Variants in HSD17B4 observed in about 807,000 individuals in gnomAD.
HSD17B4 encodes the protein peroxisomal multifunctional enzyme type 2.
A neutral mutation model predicts 101.0 loss-of-function variants in HSD17B4; 70 were observed. That is an observed-to-expected ratio of 0.69 (90% CI 0.57 to 0.85). The LOEUF (loss-of-function observed/expected upper bound fraction) is 0.85, where lower values mean the gene tolerates loss of function less well. Ranked by LOEUF, HSD17B4 falls within the 40% of genes least tolerant of loss-of-function variation. The pLI is 0.00. For synonymous variants in HSD17B4, 347 were observed against 297.1 expected, an observed-to-expected ratio of 1.17 and a Z score of -1.73; for missense variants, 984 against 892.4, an observed-to-expected ratio of 1.10 and a Z score of -1.31.
chr5:119,477,571 G>T, intron 7 of HSD17B4, 70 bp downstream of exon 7: 3 of 1,001,832 alleles, frequency 3.0e-6, no homozygotes, highest in Non-Finnish European at 4.8e-6. Flanking sequence ...TACAGGGAAA[G>T]ATTATGTGAA....
chr5:119,480,688 C>G (rs1027966532), intron 8 of HSD17B4, among the ~76,000 whole-genome samples: 2 of 152,086 alleles, frequency 1.3e-5, no homozygotes, highest in Non-Finnish European at 1.5e-5. Context: ...ACCGGTCTGA[C>G]CAAAATTTAT....
rs1057517323 is a variant in HSD17B4 at position 119,525,970 on chromosome 5, C to CGTGT, written c.1630_1633dup (p.Leu545CysfsTer8). The stretch of plus-strand genomic sequence containing the variant: ...ATGTACATTTGGATTTTCTGCCAGG[C>CGTGT]GTGTGTTACAGCAGTTTGCAGATAA... On this transcript the variant is annotated frameshift_variant, in exon 19 of 24. Transcript: ENST00000510025. LOFTEE classifies it high-confidence loss of function. 15 of 1,611,524 alleles carry CGTGT rather than the reference C, an allele frequency of 9.3e-6. No homozygotes were observed. The highest frequency in any genetic ancestry group is 1.3e-5 in the African/African-American group (1 of 74,790).
chr5:119,525,662 A>G, intron 18 of HSD17B4: 2 of 541,670 alleles, frequency 3.7e-6, no homozygotes, highest in Non-Finnish European at 3.3e-6. Flanking sequence ...TACAACCAAA[A>G]CTAAACAAAA....
chr5:119,541,259 A>G (rs1754964144), intron 23 of HSD17B4, among the ~76,000 whole-genome samples: 1 of 152,164 alleles, frequency 6.6e-6, no homozygotes, highest in Non-Finnish European at 1.5e-5. Context: ...TACTAAGCTA[A>G]GCACTCTACA....
At chr5:119,482,369 T>C (rs911027943) in intron 8 of HSD17B4, among the ~76,000 whole-genome samples, 2 of 152,130 alleles carry the variant, frequency 1.3e-5, no homozygotes, top group Non-Finnish European at 2.9e-5. Flanking sequence ...TTATCCACTT[T>C]TTCCATTAGA....
At chr5:119,520,395 G>A (rs1454119841) in intron 17 of HSD17B4, among the ~76,000 whole-genome samples, 1 of 151,758 alleles carries the variant, frequency 6.6e-6, no homozygotes, top group Non-Finnish European at 1.5e-5. Flanking sequence ...TTTTTTTATA[G>A]CCCTCAGTGA....
chr5:119,477,613 T>A, intron 7 of HSD17B4, 112 bp downstream of exon 7: 1 of 809,634 alleles, frequency 1.2e-6, no homozygotes, highest in South Asian at 1.4e-5. Flanking sequence ...CATTGAGGAA[T>A]ATGTACAACC....
Position 119,461,358 on chromosome 5 carries a change from TC to T in HSD17B4, c.112+4991del, listed in dbSNP as rs200883467. On this transcript the variant is annotated intron_variant, in intron 2 of 23. Coordinates refer to ENST00000510025, the MANE Select transcript of HSD17B4 (RefSeq NM_000414.4). The stretch of plus-strand genomic sequence containing the variant: ...AAATAAAATATTACTTTACTAGTGC[TC>T]AAAAAAATGTAGACTAAAATAATGA... 1.8e-3 allele frequency among the ~76,000 whole-genome samples: 270 copies of T among 152,254 alleles called. 7 individuals carry two copies. The East Asian group carries it at 0.05, about 28-fold the overall frequency.
intron 8 of HSD17B4, among the ~76,000 whole-genome samples, chr5:119,486,558 A>G (rs1749627514): frequency 6.6e-6 from 1 of 152,158 alleles, no homozygotes; most frequent in South Asian, 2.1e-4. Flanking sequence ...TGTCATTTAA[A>G]AAAATTTGGG....
At chr5:119,470,990 G>C (rs903134106) in intron 2 of HSD17B4, among the ~76,000 whole-genome samples, 9 of 152,116 alleles carry the variant, frequency 5.9e-5, no homozygotes, top group African/African-American at 2.2e-4. Flanking sequence ...TATTTATCCA[G>C]CTTTCAATGC....
At position 119,526,890 on chromosome 5, in the gene HSD17B4, A is replaced by T. The variant is rs184159569; in HGVS notation, c.1681-243A>T. ...TGGTTTTATTTCTTGATTTGTCAAG[A>T]TAAAAAACACTATTTTTTGATTCCA... On this transcript the variant is annotated intron_variant, in intron 19 of 23. Coordinates refer to ENST00000510025, the MANE Select transcript of HSD17B4 (RefSeq NM_000414.4). Among the ~76,000 whole-genome samples the T allele has an allele frequency of 4.5e-4, 68 of 152,126 alleles. 1 individual carries two copies. Among genetic ancestry groups the T allele is most frequent in the African/African-American group, 1.6e-3 (66 of 41,566 alleles).
chr5:119,500,160 A>G (rs1751026545), intron 13 of HSD17B4, among the ~76,000 whole-genome samples: 1 of 152,100 alleles, frequency 6.6e-6, no homozygotes, highest in Non-Finnish European at 1.5e-5. Context: ...TTTGGAGACT[A>G]GGTTATAAGG....
Position 119,496,623 on chromosome 5 carries a change from A to G in HSD17B4, c.949A>G (p.Thr317Ala). The change falls in exon 12 of 24, where the codon ACG (threonine) becomes GCG (alanine). Residue 317 changes from threonine to alanine, a missense_variant. Thr to Ala is a moderately conservative substitution (Grantham distance 58). Transcript: ENST00000510025. Reference sequence around the variant, plus strand: ...TTCAGCAAATCATACTAGTCGTGCAACGTCTACAGCAACATCAGGATTTGT... The same window carrying G: ...TTCAGCAAATCATACTAGTCGTGCAGCGTCTACAGCAACATCAGGATTTGT... Reference protein sequence around the residue: ...GVSANHTSRATSTATSGFAGA... With the variant: ...GVSANHTSRAASTATSGFAGA... The G allele has an allele frequency of 3.1e-6, 5 of 1,599,778 alleles. No individual in the cohort carries two copies. The East Asian group carries it at 6.7e-5, about 21-fold the overall frequency.
rs746540197 is a variant in HSD17B4, at chr5:119,452,600, G to T, written c.25G>T (p.Gly9Trp). MGSPLRFD[G>W]RVVLVTGAGA... is the part of the protein sequence containing the mutation. ...CATGGGCTCACCGCTGAGGTTCGAC[G>T]GGCGGGTGGTACTGGTCACCGGCGC... The change falls in exon 1 of 24, where the codon GGG becomes TGG. Residue 9 changes from glycine (G) to tryptophan (W), a missense_variant. Coordinates refer to ENST00000510025, the MANE Select transcript of HSD17B4 (RefSeq NM_000414.4). The T allele has an allele frequency of 3.1e-6, 5 of 1,614,030 alleles. No homozygotes were observed. The highest frequency in any genetic ancestry group is 1.7e-4 in the Middle Eastern group (1 of 6,018).
At chr5:119,538,978 G>A (rs1444100294) in intron 23 of HSD17B4, among the ~76,000 whole-genome samples, 1 of 152,136 alleles carries the variant, frequency 6.6e-6, no homozygotes, top group Non-Finnish European at 1.5e-5. Flanking sequence ...CTAGTATACT[G>A]TAGACATTCA....
chr5:119,530,845 C>CAAAAAAAAA (rs11423247), intron 21 of HSD17B4, among the ~76,000 whole-genome samples: 36 of 55,720 alleles, frequency 6.5e-4, no homozygotes, highest in East Asian at 2.0e-3. Flanking sequence ...AAGTCTGTCT[C>CAAAAAAAAA]AAAAAAAAAA....
intron 11 of HSD17B4, among the ~76,000 whole-genome samples, chr5:119,494,903 A>G (rs993284036): frequency 2.6e-5 from 4 of 152,198 alleles, no homozygotes; most frequent in Non-Finnish European, 4.4e-5. Context: ...TCACATATAC[A>G]TGTAATATAT....
At chr5:119,452,811 C>T (rs1180156034) in intron 1 of HSD17B4, 178 bp downstream of exon 1, 2 of 1,537,752 alleles carry the variant, frequency 1.3e-6, no homozygotes, top group East Asian at 4.9e-5. Flanking sequence ...AACACCTGGT[C>T]TCTCAAGCAG....
chr5:119,512,037 A>C (rs912259396), intron 16 of HSD17B4, among the ~76,000 whole-genome samples: 1 of 152,200 alleles, frequency 6.6e-6, no homozygotes, highest in African/African-American at 2.4e-5. Flanking sequence ...CTCAAATAGG[A>C]AATTTGGAGC....
Sources: gnomAD v4.1 joint callset for allele counts (sites outside exome capture counted in the v4.1 genomes callset) on GRCh38, gnomAD v4.1.1 for gene constraint, MANE v1.5 for transcripts, NCBI Gene and HGNC (gene_info 2026-07-23, HGNC 2026-07-21) for gene names.